Variants in KCND2 observed in about 807,000 individuals in gnomAD.
KCND2 encodes the protein potassium voltage-gated channel subfamily D member 2, also known as A-type voltage-gated potassium channel KCND2.
KCND2 carries 16 observed loss-of-function variants against 54.4 expected under a neutral mutation model. The ratio of observed to expected loss-of-function variants is 0.29; its 90% CI spans 0.20 to 0.45. The LOEUF is 0.45. Ranked by LOEUF, KCND2 falls within the 20% of genes least tolerant of loss-of-function variation. The probability of loss-of-function intolerance (pLI) is 1.00; values close to 1 mark genes in which losing one functional copy is unlikely to be tolerated. For missense variants in KCND2, 486 were observed against 824.2 expected, an observed-to-expected ratio of 0.59 and a Z score of 5.02; for synonymous variants, 317 against 310.7, an observed-to-expected ratio of 1.02 and a Z score of -0.21.
At chr7:120,318,916 A>G (rs1799853842) in intron 1 of KCND2, among the ~76,000 whole-genome samples, 1 of 152,070 alleles carries the variant, frequency 6.6e-6, no homozygotes, top group South Asian at 2.1e-4. Context: ...CAATAGGAAG[A>G]TTAAACAAAC....
intron 1 of KCND2, among the ~76,000 whole-genome samples, chr7:120,539,359 A>G (rs1791951571): frequency 1.3e-5 from 2 of 152,204 alleles, no homozygotes; most frequent in South Asian, 2.1e-4. Context: ...TCATCTCTGA[A>G]GAGAGCTTTG....
intron 1 of KCND2, among the ~76,000 whole-genome samples, chr7:120,309,470 T>TACACACAC (rs1476670794): frequency 2.4e-5 from 3 of 124,260 alleles, no homozygotes; most frequent in African/African-American, 9.0e-5. Flanking sequence ...TATATATATA[T>TACACACAC]ATATACACAC....
intron 1 of KCND2, among the ~76,000 whole-genome samples, chr7:120,309,518 TATTTA>T (rs1213409745): frequency 1.2e-4 from 17 of 143,046 alleles, no homozygotes; most frequent in African/African-American, 3.2e-4. Flanking sequence ...TATGTATATA[TATTTA>T]ATTTAGTTGA....
chr7:120,381,934 C>A lies in KCND2; in HGVS notation c.1115+106187C>A, dbSNP rs528924183. Among the ~76,000 whole-genome samples, 11 of 150,740 alleles carry A rather than the reference C, an allele frequency of 7.3e-5. No individual in the cohort carries two copies. In the South Asian group the frequency reaches 2.3e-3, roughly 31 times the overall value. On this transcript the variant is annotated intron_variant, in intron 1 of 5. Transcript: ENST00000331113. ...AAACTATTCAAAAAATGATAAAATT[C>A]AAAAGTCAAATCCGTCATTTTTGTA...
chr7:120,553,165 C>T (rs763247175), intron 1 of KCND2, among the ~76,000 whole-genome samples: 3 of 152,136 alleles, frequency 2.0e-5, no homozygotes, highest in East Asian at 1.9e-4. Flanking sequence ...TTCCTCCTCC[C>T]GTTCAGATCT....
chr7:120,554,620 G>A (rs1792140488), intron 1 of KCND2, among the ~76,000 whole-genome samples: 1 of 152,100 alleles, frequency 6.6e-6, no homozygotes, highest in Non-Finnish European at 1.5e-5. Flanking sequence ...GTGTTAGCCA[G>A]GATGGTGTCG....
At chr7:120,460,985 C>T (rs929432212) in intron 1 of KCND2, among the ~76,000 whole-genome samples, 5 of 152,132 alleles carry the variant, frequency 3.3e-5, no homozygotes, top group African/African-American at 1.2e-4. Flanking sequence ...GAAAAATGTG[C>T]CCCTTGTTTC....
chr7:120,396,426 A>G (rs1032709518), intron 1 of KCND2, among the ~76,000 whole-genome samples: 2 of 152,076 alleles, frequency 1.3e-5, no homozygotes, highest in Non-Finnish European at 2.9e-5. Context: ...CCAACTCCAA[A>G]TAATCTACTC....
At chr7:120,530,249 A>T (rs916790624) in intron 1 of KCND2, among the ~76,000 whole-genome samples, 6 of 152,274 alleles carry the variant, frequency 3.9e-5, no homozygotes, top group African/African-American at 1.2e-4. Flanking sequence ...TCCATGATGT[A>T]TTGCATGCCT....
chr7:120,461,203 A>G (rs1220889889), intron 1 of KCND2, among the ~76,000 whole-genome samples: 1 of 152,150 alleles, frequency 6.6e-6, no homozygotes, highest in Non-Finnish European at 1.5e-5. Flanking sequence ...CTCAGCTCCT[A>G]CAATGATTTG....
At chr7:120,722,896 G>A (rs1792686403) in intron 1 of KCND2, among the ~76,000 whole-genome samples, 1 of 152,168 alleles carries the variant, frequency 6.6e-6, no homozygotes, top group Admixed American at 6.5e-5. Flanking sequence ...TATAAGCAAT[G>A]AACAGTTCCA....
At chr7:120,373,923 A>T (rs1169932216) in intron 1 of KCND2, among the ~76,000 whole-genome samples, 1 of 151,798 alleles carries the variant, frequency 6.6e-6, no homozygotes, top group Non-Finnish European at 1.5e-5. Context: ...CATGAAAATT[A>T]AATATAGATA....
intron 1 of KCND2, among the ~76,000 whole-genome samples, chr7:120,577,970 G>T (rs1005853616): frequency 3.9e-5 from 6 of 152,046 alleles, no homozygotes; most frequent in African/African-American, 1.4e-4. Context: ...GGAAGCTGAG[G>T]CAGGAGGATC....
chr7:120,371,231 T>A (rs1454320004), intron 1 of KCND2, among the ~76,000 whole-genome samples: 3 of 152,022 alleles, frequency 2.0e-5, no homozygotes, highest in Non-Finnish European at 2.9e-5. Context: ...GCTATATACA[T>A]GTCCCACAGA....
chr7:120,444,214 C>T (rs886266242), intron 1 of KCND2, among the ~76,000 whole-genome samples: 3 of 152,068 alleles, frequency 2.0e-5, no homozygotes, highest in African/African-American at 4.8e-5. Context: ...AATTGTGCTT[C>T]CTTGCTCATA....
At chr7:120,562,266 A>C (rs1562873822) in intron 1 of KCND2, among the ~76,000 whole-genome samples, 1 of 152,222 alleles carries the variant, frequency 6.6e-6, no homozygotes, top group Non-Finnish European at 1.5e-5. Flanking sequence ...AGACAACAAA[A>C]TTAACTGAGA....
chr7:120,690,853 A>G (rs1334475964), intron 1 of KCND2, among the ~76,000 whole-genome samples: 1 of 152,184 alleles, frequency 6.6e-6, no homozygotes, highest in African/African-American at 2.4e-5. Flanking sequence ...GCAAAATAAA[A>G]AAGTAAAATG....
Position 120,696,661 on chromosome 7 carries a change from G to A in KCND2, c.1116-36242G>A, listed in dbSNP as rs532229678. ...GGATTAATGTCCTTACCACCAGAGT[G>A]CATTAGTTACTGTCAGAGGTTCTTG... On this transcript the variant is annotated intron_variant, in intron 1 of 5. Coordinates refer to ENST00000331113, the MANE Select transcript of KCND2 (RefSeq NM_012281.3). 7.2e-5 allele frequency among the ~76,000 whole-genome samples: 11 copies of A among 152,316 alleles called. No individual in the cohort carries two copies. In the East Asian group the frequency reaches 2.1e-3, roughly 29 times the overall value.
rs189227155 is a variant in KCND2 at position 120,369,498 on chromosome 7, C to T, written c.1115+93751C>T. Reference sequence around the variant, plus strand: ...ATTAAAGTACAGATCTAAACAAAGCCGCAGTCTCAGGGCTTCTGAGGGCAT... The same window carrying T: ...ATTAAAGTACAGATCTAAACAAAGCTGCAGTCTCAGGGCTTCTGAGGGCAT... On this transcript the variant is annotated intron_variant, in intron 1 of 5. Transcript: ENST00000331113. 1.4e-4 allele frequency among the ~76,000 whole-genome samples: 21 copies of T among 152,052 alleles called. 1 individual carries two copies. Among genetic ancestry groups the T allele is most frequent in the East Asian group, 1.4e-3 (7 of 5,162 alleles).
Sources: gnomAD v4.1 joint callset for allele counts (sites outside exome capture counted in the v4.1 genomes callset) on GRCh38, gnomAD v4.1.1 for gene constraint, MANE v1.5 for transcripts, NCBI Gene and HGNC (gene_info 2026-07-23, HGNC 2026-07-21) for gene names.